ZFP36: variants seen among roughly 807,000 people sequenced by gnomAD.
ZFP36 encodes the protein ZFP36 zinc finger CCCH-type.
ZFP36 carries 13 observed loss-of-function variants against 19.8 expected under a neutral mutation model. That is an observed-to-expected ratio of 0.66 (90% confidence interval 0.43 to 1.04). The LOEUF (loss-of-function observed/expected upper bound fraction) is 1.04. Ranked by LOEUF, ZFP36 falls within the 50% of genes least tolerant of loss-of-function variation. The pLI, the probability that ZFP36 is intolerant of heterozygous loss-of-function variation, is 0.00. For synonymous variants in ZFP36, 191 were observed against 194.5 expected (o/e 0.98, Z 0.15); for missense variants, 354 against 441.6 (o/e 0.80, Z 1.78).
chr19:39,407,687 C>A lies in ZFP36; in HGVS notation c.25-56C>A. On this transcript the variant is annotated intron_variant, in intron 1 of 1. Transcript: ENST00000597629. This position sits in a 1 kb window ranked among gnomAD's most constrained non-coding sequence, Gnocchi z 7.6. Reference sequence around the variant, plus strand: ...CCTGGCAAGCTCTAGTTCCCTGCAGCTGGGGTGGGGCGTCGCCCTGCATTT... The same window carrying A: ...CCTGGCAAGCTCTAGTTCCCTGCAGATGGGGTGGGGCGTCGCCCTGCATTT... 6.8e-7 allele frequency: 1 copy of A among 1,461,862 alleles called. No individual in the cohort carries two copies. Among genetic ancestry groups the A allele is most frequent in the Non-Finnish European group, 9.1e-7 (1 of 1,099,920 alleles). 90.6% of individuals were successfully genotyped at this position (1,461,862 alleles called of 1,614,324 possible).
chr19:39,406,873 G>T lies in ZFP36; in HGVS notation c.-32G>T. 1.3e-6 allele frequency: 2 copies of T among 1,592,770 alleles called. No homozygotes were observed. The highest frequency in any genetic ancestry group is 8.5e-7 in the Non-Finnish European group (1 of 1,171,682). The stretch of plus-strand genomic sequence containing the variant: ...GCCTGACTTCAGCGCTCCCACTCTC[G>T]GCCGACACCCCTCATGGCCAACCGT... On this transcript the variant is annotated 5_prime_UTR_variant, in exon 1 of 2. Transcript: ENST00000597629.
In ZFP36 at chr19:39,407,557, C is replaced by A. The variant is rs925429284; in HGVS notation, c.25-186C>A. On this transcript the variant is annotated intron_variant, in intron 1 of 1. Transcript: ENST00000597629. This position sits in a 1 kb window ranked among gnomAD's most constrained non-coding sequence, Gnocchi z 7.6. ...ATTCCTGGGTCCCTCGGGATAAGGC[C>A]TCGGTGGTGGGTAAACTCAGAACCT... 7.7e-5 allele frequency: 44 copies of A among 568,448 alleles called. No homozygotes were observed. The highest frequency in any genetic ancestry group is 6.1e-4 in the African/African-American group (32 of 52,514). The allele number at this position is 568,448 out of a possible 1,614,324, so 35.2% of individuals were successfully genotyped here.
In ZFP36 at chr19:39,408,041, T is replaced by C. The variant is rs771438138; in HGVS notation, c.323T>C (p.Leu108Pro). Residue 108 changes from leucine (L) to proline (P), a missense_variant, in exon 2 of 2, where the codon CTA (leucine) becomes CCA (proline). By Grantham distance (98) the Leu-to-Pro change is moderately conservative. Coordinates refer to ENST00000597629, the MANE Select transcript of ZFP36 (RefSeq NM_003407.5). This position sits in a 1 kb window ranked among gnomAD's most constrained non-coding sequence, Gnocchi z 6.0. ...STTPSRYKTE[L>P]CRTFSESGRC... is the part of the protein sequence containing the mutation. ...ACCCCCTCGCGCTACAAGACTGAGC[T>C]ATGTCGGACCTTCTCAGAGAGTGGG... 12 of 1,613,764 alleles carry C rather than the reference T, an allele frequency of 7.4e-6. No homozygotes were observed. The South Asian group carries it at 1.3e-4, about 18-fold the overall frequency.
Position 39,408,245 on chromosome 19 carries a change from G to A in ZFP36, c.527G>A (p.Gly176Asp), listed in dbSNP as rs756512406. The A allele has an allele frequency of 1.4e-5, 22 of 1,613,680 alleles. No homozygotes were observed. Among genetic ancestry groups the A allele is most frequent in the Non-Finnish European group, 1.8e-5 (21 of 1,179,976 alleles). ...HNPSEDLAAP[G>D]HPPVLRQSIS... ...CCTAGCGAAGACCTGGCGGCCCCGG[G>A]CCACCCTCCTGTGCTTCGCCAGAGC... Residue 176 changes from glycine to aspartate, a missense_variant, in exon 2 of 2, where the codon GGC becomes GAC. Gly to Asp is a moderately conservative substitution (Grantham distance 94, BLOSUM62 -1). Transcript: ENST00000597629. This position sits in a 1 kb window ranked among gnomAD's most constrained non-coding sequence, Gnocchi z 6.0.
In ZFP36 at chr19:39,406,865, C is replaced by G. The variant is rs1243849823; in HGVS notation, c.-40C>G. 3 of 1,596,522 alleles carry G rather than the reference C, an allele frequency of 1.9e-6. No homozygotes were observed. The highest frequency in any genetic ancestry group is 2.6e-6 in the Non-Finnish European group (3 of 1,173,940). Reference sequence around the variant, plus strand: ...CAGCCTCAGCCTGACTTCAGCGCTCCCACTCTCGGCCGACACCCCTCATGG... The same window carrying G: ...CAGCCTCAGCCTGACTTCAGCGCTCGCACTCTCGGCCGACACCCCTCATGG... On this transcript the variant is annotated 5_prime_UTR_variant, in exon 1 of 2. Coordinates refer to ENST00000597629, the MANE Select transcript of ZFP36 (RefSeq NM_003407.5).
Position 39,407,753 on chromosome 19 carries a change from C to G in ZFP36, c.35C>G (p.Ser12Trp). 2.0e-6 allele frequency: 3 copies of G among 1,534,750 alleles called. No homozygotes were observed. The highest frequency in any genetic ancestry group is 2.6e-6 in the Non-Finnish European group (3 of 1,146,340). Residue 12 changes from serine (S) to tryptophan (W), a missense_variant, in exon 2 of 2, where the codon TCG (serine) becomes TGG (tryptophan). Ser to Trp is a radical substitution (Grantham distance 177). Coordinates refer to ENST00000597629, the MANE Select transcript of ZFP36 (RefSeq NM_003407.5). The surrounding 1 kb of genome is among the most constrained non-coding windows in gnomAD (Gnocchi z 7.6). ...GACCCATTTCCGCAGAGCCTCCTGT[C>G]GCTGAGCCCTGACGTGCCCGTGCCA... ...DLTAIYESLL[S>W]LSPDVPVPSD...
Position 39,407,671 on chromosome 19 carries a change from C to G in ZFP36, c.25-72C>G. 2 of 1,415,596 alleles carry G rather than the reference C, an allele frequency of 1.4e-6. No individual in the cohort carries two copies. The highest frequency in any genetic ancestry group is 2.3e-5 in the East Asian group (1 of 42,878). 87.7% of individuals were successfully genotyped at this position (1,415,596 alleles called of 1,614,324 possible). A position where few individuals can be genotyped will look rare whatever the true frequency, so the allele number is the denominator to read the frequency against. ...GGAGCCCACAAACCGGCCTGGCAAGCTCTAGTTCCCTGCAGCTGGGGTGGG... is the reference window on the plus strand; with the variant it reads ...GGAGCCCACAAACCGGCCTGGCAAGGTCTAGTTCCCTGCAGCTGGGGTGGG... On this transcript the variant is annotated intron_variant, in intron 1 of 1. Coordinates refer to ENST00000597629, the MANE Select transcript of ZFP36 (RefSeq NM_003407.5). The surrounding 1 kb of genome is among the most constrained non-coding windows in gnomAD (Gnocchi z 7.6).
Position 39,409,021 on chromosome 19 carries a change from T to A in ZFP36, c.*322T>A. Reference sequence around the variant, plus strand: ...CAAATCTGTCTCCTAGAATCTTATGTGCTGTGAATAATAGGCCTTCACTGC... The same window carrying A: ...CAAATCTGTCTCCTAGAATCTTATGAGCTGTGAATAATAGGCCTTCACTGC... On this transcript the variant is annotated 3_prime_UTR_variant, in exon 2 of 2. Transcript: ENST00000597629. 1 of 218,522 alleles carries A rather than the reference T, an allele frequency of 4.6e-6. No homozygotes were observed. Among genetic ancestry groups the A allele is most frequent in the Admixed American group, 5.4e-5 (1 of 18,444 alleles). 13.5% of individuals were successfully genotyped at this position (218,522 alleles called of 1,614,324 possible).
At position 39,407,924 on chromosome 19, in the gene ZFP36, G is replaced by T; in HGVS notation, c.206G>T (p.Trp69Leu). The part of the protein sequence containing the change: ...TSLVEGRSCG[W>L]VPPPPGFAPL... The stretch of plus-strand genomic sequence containing the variant: ...CTAGTGGAGGGCCGCAGCTGTGGCT[G>T]GGTGCCCCCACCCCCTGGCTTCGCA... The change falls in exon 2 of 2, where the codon TGG (tryptophan) becomes TTG (leucine). Residue 69 changes from tryptophan (W) to leucine (L), a missense_variant. Coordinates refer to ENST00000597629, the MANE Select transcript of ZFP36 (RefSeq NM_003407.5). This position sits in a 1 kb window ranked among gnomAD's most constrained non-coding sequence, Gnocchi z 7.6. The T allele has an allele frequency of 6.3e-7, 1 of 1,597,086 alleles. No homozygotes were observed. The highest frequency in any genetic ancestry group is 8.5e-7 in the Non-Finnish European group (1 of 1,175,180).
chr19:39,407,083 C>T lies in ZFP36; in HGVS notation c.24+155C>T, dbSNP rs2078481582. 1 of 806,732 alleles carries T rather than the reference C, an allele frequency of 1.2e-6. No individual in the cohort carries two copies. Among genetic ancestry groups the T allele is most frequent in the African/African-American group, 1.8e-5 (1 of 55,140 alleles). The allele number at this position is 806,732 out of a possible 1,614,324, so 50.0% of individuals were successfully genotyped here. On this transcript the variant is annotated intron_variant, in intron 1 of 1. Transcript: ENST00000597629. This position sits in a 1 kb window ranked among gnomAD's most constrained non-coding sequence, Gnocchi z 7.6. ...CCTCCAGCCTGGGGCCCCTGCCTCC[C>T]GCTCAGACCAGCTTGGTGATTTGGA...
chr19:39,409,010 A>G lies in ZFP36; in HGVS notation c.*311A>G, dbSNP rs1308697500. On this transcript the variant is annotated 3_prime_UTR_variant, in exon 2 of 2. Coordinates refer to ENST00000597629, the MANE Select transcript of ZFP36 (RefSeq NM_003407.5). ...TCTTCCCTGCCCAAATCTGTCTCCT[A>G]GAATCTTATGTGCTGTGAATAATAG... 8.1e-6 allele frequency: 2 copies of G among 247,050 alleles called. No individual in the cohort carries two copies. The highest frequency in any genetic ancestry group is 1.6e-5 in the Non-Finnish European group (2 of 127,792). 15.3% of individuals were successfully genotyped at this position (247,050 alleles called of 1,614,324 possible). A position where few individuals can be genotyped will look rare whatever the true frequency, so the allele number is the denominator to read the frequency against.
Position 39,407,384 on chromosome 19 carries a change from A to G in ZFP36, c.25-359A>G. On this transcript the variant is annotated intron_variant, in intron 1 of 1. Transcript: ENST00000597629. The surrounding 1 kb of genome is among the most constrained non-coding windows in gnomAD (Gnocchi z 7.6). ...TAAAACCGAAGCAATCCGGACTTCC[A>G]GGTCAACTTTGCCCGGTTTCTCCAG... The G allele has an allele frequency of 2.4e-6, 1 of 412,276 alleles. No individual in the cohort carries two copies. The highest frequency in any genetic ancestry group is 4.3e-6 in the Non-Finnish European group (1 of 233,716). The allele number at this position is 412,276 out of a possible 1,614,324, so 25.5% of individuals were successfully genotyped here.
Position 39,406,914 on chromosome 19 carries a change from A to G in ZFP36, c.10A>G (p.Thr4Ala), listed in dbSNP as rs766866582. 1 of 1,611,512 alleles carries G rather than the reference A, an allele frequency of 6.2e-7. No individual in the cohort carries two copies. Among genetic ancestry groups the G allele is most frequent in the East Asian group, 2.2e-5 (1 of 44,632 alleles). The change falls in exon 1 of 2, where the codon ACT (threonine) becomes GCT (alanine). Residue 4 changes from threonine to alanine, a missense_variant. Physicochemically the swap from Thr to Ala is moderately conservative, Grantham distance 58. Coordinates refer to ENST00000597629, the MANE Select transcript of ZFP36 (RefSeq NM_003407.5). ...GGCCAACCGTTACACCATGGATCTG[A>G]CTGCCATCTACGAGGTGAGTCCCCG... MDLTAIYESLLSLS... is the reference protein window; with the variant it reads MDLAAIYESLLSLS...
Position 39,408,757 on chromosome 19 carries a change from C to T in ZFP36, c.*58C>T. Reference sequence around the variant, plus strand: ...TCAGCGGGGAGCCACGTCTCTTGCACTGTGGTCTCTGCATGGACCCCAGGG... The same window carrying T: ...TCAGCGGGGAGCCACGTCTCTTGCATTGTGGTCTCTGCATGGACCCCAGGG... On this transcript the variant is annotated 3_prime_UTR_variant, in exon 2 of 2. Transcript: ENST00000597629. This position sits in a 1 kb window ranked among gnomAD's most constrained non-coding sequence, Gnocchi z 6.0. 1.4e-6 allele frequency: 2 copies of T among 1,480,050 alleles called. No individual in the cohort carries two copies. The highest frequency in any genetic ancestry group is 3.6e-4 in the Middle Eastern group (2 of 5,558). 91.7% of individuals were successfully genotyped at this position (1,480,050 alleles called of 1,614,324 possible). A position where few individuals can be genotyped will look rare whatever the true frequency, so the allele number is the denominator to read the frequency against.
rs1156606788 is a variant in ZFP36 at position 39,408,571 on chromosome 19, G to T, written c.853G>T (p.Ala285Ser). ...CCTGGGATCCGACCCTGATGAATAT[G>T]CCAGCAGCGGCAGCAGCCTGGGGGG... ...QSLGSDPDEY[A>S]SSGSSLGGSD... The change falls in exon 2 of 2, where the codon GCC becomes TCC. Residue 285 changes from alanine to serine, a missense_variant. Physicochemically the swap from Ala to Ser is moderately conservative, Grantham distance 99. Transcript: ENST00000597629. This position sits in a 1 kb window ranked among gnomAD's most constrained non-coding sequence, Gnocchi z 6.0. 6 of 1,613,492 alleles carry T rather than the reference G, an allele frequency of 3.7e-6. No homozygotes were observed. The highest frequency in any genetic ancestry group is 1.6e-4 in the Middle Eastern group (1 of 6,078).
rs2078483063 is a variant in ZFP36 at position 39,407,535 on chromosome 19, C to T, written c.25-208C>T. The stretch of plus-strand genomic sequence containing the variant: ...TGGTCCAGCCGGGGAAGCCGGGATT[C>T]CTGGGTCCCTCGGGATAAGGCCTCG... On this transcript the variant is annotated intron_variant, in intron 1 of 1. Transcript: ENST00000597629. This position sits in a 1 kb window ranked among gnomAD's most constrained non-coding sequence, Gnocchi z 7.6. The T allele has an allele frequency of 2.0e-6, 1 of 505,258 alleles. No homozygotes were observed. The highest frequency in any genetic ancestry group is 3.0e-5 in the Admixed American group (1 of 33,618). 31.3% of individuals were successfully genotyped at this position (505,258 alleles called of 1,614,324 possible).
In ZFP36 at chr19:39,407,309, G is replaced by T; in HGVS notation, c.24+381G>T. 2.2e-6 allele frequency: 1 copy of T among 453,162 alleles called. No homozygotes were observed. The highest frequency in any genetic ancestry group is 3.9e-6 in the Non-Finnish European group (1 of 258,098). 28.1% of individuals were successfully genotyped at this position (453,162 alleles called of 1,614,324 possible). A position where few individuals can be genotyped will look rare whatever the true frequency, so the allele number is the denominator to read the frequency against. On this transcript the variant is annotated intron_variant, in intron 1 of 1. Transcript: ENST00000597629. This position sits in a 1 kb window ranked among gnomAD's most constrained non-coding sequence, Gnocchi z 7.6. Reference sequence around the variant, plus strand: ...TCTGGGGCTGAAGTCTCAGGGTGGGGGGATCCGACTTCTGTCTCTCCAGTC... The same window carrying T: ...TCTGGGGCTGAAGTCTCAGGGTGGGTGGATCCGACTTCTGTCTCTCCAGTC...
In ZFP36 at chr19:39,408,643, C is replaced by A. The variant is rs1418092358; in HGVS notation, c.925C>A (p.Pro309Thr). The A allele has an allele frequency of 1.9e-5, 30 of 1,587,542 alleles. No individual in the cohort carries two copies. The highest frequency in any genetic ancestry group is 2.5e-5 in the Non-Finnish European group (29 of 1,169,546). The stretch of plus-strand genomic sequence containing the variant: ...GGCGGGAGTTTTTGCACCACCCCAG[C>A]CCGTGGCAGCCCCCCGGCGACTCCC... ...FEAGVFAPPQ[P>T]VAAPRRLPIF... The change falls in exon 2 of 2, where the codon CCC (proline) becomes ACC (threonine). Residue 309 changes from proline (P) to threonine (T), a missense_variant. Pro to Thr is a conservative substitution (Grantham distance 38, BLOSUM62 -1). Transcript: ENST00000597629. The surrounding 1 kb of genome is among the most constrained non-coding windows in gnomAD (Gnocchi z 6.0).
chr19:39,408,391 C>G lies in ZFP36; in HGVS notation c.673C>G (p.Leu225Val). 1 of 1,613,914 alleles carries G rather than the reference C, an allele frequency of 6.2e-7. No individual in the cohort carries two copies. The highest frequency in any genetic ancestry group is 2.2e-5 in the East Asian group (1 of 44,876). ...PSSSPPPPGDLPLSPSAFSAA... is the reference protein window; with the variant it reads ...PSSSPPPPGDVPLSPSAFSAA... ...CAGCTCCCCACCACCACCTGGGGAC[C>G]TTCCACTGTCACCCTCTGCCTTCTC... The change falls in exon 2 of 2, where the codon CTT becomes GTT. Residue 225 changes from leucine to valine, a missense_variant. Transcript: ENST00000597629. This position sits in a 1 kb window ranked among gnomAD's most constrained non-coding sequence, Gnocchi z 6.0.
Sources: allele counts gnomAD v4.1 joint callset, GRCh38; gene constraint gnomAD v4.1.1; non-coding constraint Gnocchi (gnomAD v3.1); transcripts MANE v1.5; gene names NCBI Gene and HGNC (gene_info 2026-07-23, HGNC 2026-07-21).